Variants in B4GALT1 observed in about 807,000 individuals in gnomAD.
B4GALT1 encodes the protein N-acetyllactosamine synthase.
Under a neutral mutation model 34.9 loss-of-function variants are expected in B4GALT1, and 16 were observed. The ratio of observed to expected loss-of-function variants is 0.46; its 90% CI spans 0.31 to 0.70. The LOEUF (loss-of-function observed/expected upper bound fraction) is 0.70. Among genes scored for constraint, B4GALT1 ranks in the 30% least tolerant of loss-of-function variants. B4GALT1 has a pLI of 0.05. For missense variants in B4GALT1, 445 were observed against 530.5 expected (o/e 0.84, Z 1.58); for synonymous variants, 221 against 218.1 (o/e 1.01, Z -0.12).
intron 2 of B4GALT1, among the ~76,000 whole-genome samples, chr9:33,120,898 G>C (rs536930960): frequency 6.6e-6 from 1 of 152,154 alleles, no homozygotes; most frequent in Non-Finnish European, 1.5e-5. Flanking sequence ...TAATCAGTAG[G>C]GAACTGGTTC....
At chr9:33,125,208 T>C (rs576200649) in intron 2 of B4GALT1, among the ~76,000 whole-genome samples, 1 of 152,208 alleles carries the variant, frequency 6.6e-6, no homozygotes, top group Non-Finnish European at 1.5e-5. Context: ...GAGGCGGTGC[T>C]GGGAGAGAAG....
Position 33,166,770 on chromosome 9 carries a change from A to C in B4GALT1, c.400T>G (p.Ser134Ala), listed in dbSNP as rs1587755467. The C allele has an allele frequency of 6.6e-7, 1 of 1,508,102 alleles. No individual in the cohort carries two copies. Among genetic ancestry groups the C allele is most frequent in the Non-Finnish European group, 8.8e-7 (1 of 1,135,172 alleles). 93.4% of individuals were successfully genotyped at this position (1,508,102 alleles called of 1,614,324 possible). ...CCCGAGTCCTTACCAAGCAGCGGGG[A>C]CTCCTCAGGGCAGGCGGGCAGCGAC... ...ALSLPACPEESPLLVGPMLIE... is the reference protein window; with the variant it reads ...ALSLPACPEEAPLLVGPMLIE... Residue 134 changes from serine to alanine, a missense_variant, in exon 1 of 6, where the codon TCC becomes GCC. Physicochemically the swap from Ser to Ala is moderately conservative, Grantham distance 99 (BLOSUM62 1). Coordinates refer to ENST00000379731, the MANE Select transcript of B4GALT1 (RefSeq NM_001497.4).
At chr9:33,109,532 G>T (rs1440613883), downstream of B4GALT1, among the ~76,000 whole-genome samples, 4 of 152,188 alleles carry the variant, frequency 2.6e-5, no homozygotes, top group African/African-American at 7.2e-5. Context: ...ATAGCTGGGT[G>T]AGTGGTATAA....
At chr9:33,175,993 A>G in the B4GALT1 span, among the ~76,000 whole-genome samples, 1 of 152,236 alleles carries the variant, frequency 6.6e-6, no homozygotes, top group Non-Finnish European at 1.5e-5. Flanking sequence ...ACCACAATAG[A>G]CACTCCCATT....
At chr9:33,152,678 A>T (rs1310690121) in intron 1 of B4GALT1, among the ~76,000 whole-genome samples, 1 of 152,122 alleles carries the variant, frequency 6.6e-6, no homozygotes, top group Non-Finnish European at 1.5e-5. Flanking sequence ...GTTTGAAACC[A>T]GCCTGGCCAA....
At chr9:33,140,492 AT>A (rs1002049716) in intron 1 of B4GALT1, among the ~76,000 whole-genome samples, 44 of 128,926 alleles carry the variant, frequency 3.4e-4, no homozygotes, top group East Asian at 2.4e-3. Context: ...TTAAAATTTA[AT>A]TTAAAAAAAA....
At chr9:33,179,572 T>TA in the B4GALT1 span, 3 of 152,242 alleles carry the variant, frequency 2.0e-5, no homozygotes, top group African/African-American at 7.2e-5. Context: ...GTCCCTGACT[T>TA]ACTGTTAGAC....
chr9:33,167,847 G>A (rs1360705341), upstream of B4GALT1, among the ~76,000 whole-genome samples: 1 of 152,242 alleles, frequency 6.6e-6, no homozygotes, highest in Non-Finnish European at 1.5e-5. Context: ...GACGCCGGGC[G>A]AGGAGTGGCA....
intron 1 of B4GALT1, 145 bp downstream of exon 1, chr9:33,166,613 C>T: frequency 9.4e-7 from 1 of 1,058,782 alleles, no homozygotes; most frequent in Non-Finnish European, 1.3e-6. Context: ...CAGTCCCAAG[C>T]CTCTGTCTGG....
the B4GALT1 span, among the ~76,000 whole-genome samples, chr9:33,181,450 ACAC>A: frequency 1.1e-3 from 169 of 151,546 alleles, 1 homozygote; most frequent in African/African-American, 3.6e-3. Context: ...ACACACACAC[ACAC>A]ACACACAAAC....
intron 1 of B4GALT1, among the ~76,000 whole-genome samples, chr9:33,163,702 C>T (rs141791542): frequency 2.2e-4 from 34 of 152,378 alleles, no homozygotes; most frequent in Admixed American, 5.2e-4. Flanking sequence ...TTCCTCCCAT[C>T]TCAGCAGGCA....
downstream of B4GALT1, among the ~76,000 whole-genome samples, chr9:33,106,774 G>A (rs1295463873): frequency 6.6e-6 from 1 of 152,198 alleles, no homozygotes; most frequent in African/African-American, 2.4e-5. Flanking sequence ...GAGAAGGTTA[G>A]TCGCAGGGCA....
the B4GALT1 span, among the ~76,000 whole-genome samples, chr9:33,175,020 T>A: frequency 0.078 from 3,028 of 38,596 alleles, 322 homozygotes; most frequent in Admixed American, 0.11. Context: ...TATATATATA[T>A]AAAATTGGAG....
At chr9:33,183,758 T>TTGTTTTA in the B4GALT1 span, among the ~76,000 whole-genome samples, 1 of 151,008 alleles carries the variant, frequency 6.6e-6, no homozygotes, top group Admixed American at 6.6e-5. Flanking sequence ...AATGTGCACA[T>TTGTTTTA]GTACCCTAAA....
chr9:33,177,552 TTAAG>T, the B4GALT1 span: 4 of 152,194 alleles, frequency 2.6e-5, no homozygotes, highest in African/African-American at 9.7e-5. Flanking sequence ...GATGGCAAAG[TTAAG>T]TAGTAGCAAC....
intron 1 of B4GALT1, among the ~76,000 whole-genome samples, chr9:33,144,627 T>C (rs558341796): frequency 2.6e-5 from 4 of 152,324 alleles, no homozygotes; most frequent in South Asian, 2.1e-4. Flanking sequence ...AGGAAACAGG[T>C]AAAGCAACCA....
intron 1 of B4GALT1, among the ~76,000 whole-genome samples, chr9:33,138,900 C>T (rs148582552): frequency 5.9e-5 from 9 of 152,210 alleles, no homozygotes; most frequent in African/African-American, 1.9e-4. Flanking sequence ...AGCTGATACC[C>T]GGGTGGTCCA....
intron 2 of B4GALT1, among the ~76,000 whole-genome samples, chr9:33,128,528 G>T (rs748349034): frequency 3.2e-4 from 48 of 152,140 alleles, no homozygotes; most frequent in Non-Finnish European, 2.1e-4. Flanking sequence ...CAGCAAAGGG[G>T]CAACACTCAA....
chr9:33,113,861 A>T lies in B4GALT1; in HGVS notation c.977T>A (p.Met326Lys), dbSNP rs1056900275. The T allele has an allele frequency of 1.8e-5, 29 of 1,614,078 alleles. No individual in the cohort carries two copies. The highest frequency in any genetic ancestry group is 2.4e-5 in the Non-Finnish European group (28 of 1,180,032). The stretch of plus-strand genomic sequence containing the variant: ...CACAGCATTTGGGCGAGATATAGAC[A>T]TGCCTCTAAAAACTAATCTGCAAAG... ...DIFNRLVFRG[M>K]SISRPNAVVG... The change falls in exon 5 of 6, where the codon ATG becomes AAG. Residue 326 changes from methionine (M) to lysine (K), a missense_variant. By Grantham distance (95) the Met-to-Lys change is moderately conservative. Around this residue, in one of 3 missense-constraint regions of B4GALT1, gnomAD observed 89 missense variants for 107.6 expected, o/e 0.83. Transcript: ENST00000379731.
Sources: allele counts gnomAD v4.1 joint callset (sites outside exome capture counted in the v4.1 genomes callset), GRCh38; gene constraint gnomAD v4.1.1; regional missense constraint gnomAD v4.1.1; transcripts MANE v1.5; gene names NCBI Gene and HGNC (gene_info 2026-07-23, HGNC 2026-07-21).